Variants in PARD3 observed in about 807,000 individuals in gnomAD.
PARD3 encodes the protein partitioning defective 3 homolog.
Under a neutral mutation model 155.4 loss-of-function variants are expected in PARD3, and 75 were observed. That is an observed-to-expected ratio of 0.48 (90% CI 0.40 to 0.58). The LOEUF is 0.58. Ranked by LOEUF, PARD3 falls within the 20% of genes least tolerant of loss-of-function variation. The pLI is 0.00. For synonymous variants in PARD3, 576 were observed against 610.5 expected (o/e 0.94, Z 0.83); for missense variants, 1,642 against 1,721.7 (o/e 0.95, Z 0.82).
At chr10:34,227,815 T>TG (rs1226219690) in intron 22 of PARD3, among the ~76,000 whole-genome samples, 1 of 139,992 alleles carries the variant, frequency 7.1e-6, no homozygotes, top group Non-Finnish European at 1.5e-5. Context: ...ATCCCATTAC[T>TG]GGGAATATAT....
In PARD3 at chr10:34,617,827, T is replaced by C. The variant is rs555330527; in HGVS notation, c.222+78491A>G. 1.1e-4 allele frequency among the ~76,000 whole-genome samples: 16 copies of C among 152,342 alleles called. No homozygotes were observed. The South Asian group carries it at 3.1e-3, about 30-fold the overall frequency. ...CTTCAAGGAATAAAGGGCTACACTC[T>C]AGGGGCTCAGCCTAGAGAGATCAAA... is the stretch of plus-strand genomic sequence containing the variant. On this transcript the variant is annotated intron_variant, in intron 2 of 24. Coordinates refer to ENST00000374788, the MANE Select transcript of PARD3 (RefSeq NM_001184785.2).
At position 34,658,543 on chromosome 10, in the gene PARD3, G is replaced by A. The variant is rs566914212; in HGVS notation, c.222+37775C>T. Reference sequence around the variant, plus strand: ...GCTGGGGGCTGGGGCTGAGGCTGAGGCTGAGGCATGAGGAGCTTAGCAGAA... The same window carrying A: ...GCTGGGGGCTGGGGCTGAGGCTGAGACTGAGGCATGAGGAGCTTAGCAGAA... On this transcript the variant is annotated intron_variant, in intron 2 of 24. Transcript: ENST00000374788. 4.6e-4 allele frequency among the ~76,000 whole-genome samples: 70 copies of A among 152,300 alleles called. No individual in the cohort carries two copies. The South Asian group carries it at 0.014, about 32-fold the overall frequency.
chr10:34,548,362 G>C (rs2084273672), intron 2 of PARD3, among the ~76,000 whole-genome samples: 1 of 152,034 alleles, frequency 6.6e-6, no homozygotes, highest in Non-Finnish European at 1.5e-5. Context: ...AGCCAGGCAT[G>C]GTGGTACATG....
At chr10:34,636,375 C>T (rs1384239147) in intron 2 of PARD3, among the ~76,000 whole-genome samples, 1 of 152,196 alleles carries the variant, frequency 6.6e-6, no homozygotes, top group East Asian at 1.9e-4. Flanking sequence ...GCTAACACCC[C>T]TTTGCTCGCT....
chr10:34,573,078 G>T (rs1157517516), intron 2 of PARD3, among the ~76,000 whole-genome samples: 1 of 152,160 alleles, frequency 6.6e-6, no homozygotes, highest in Non-Finnish European at 1.5e-5. Context: ...GGATAAGTCA[G>T]GTGATGGCTC....
At chr10:34,301,624 A>G (rs546110520) in intron 20 of PARD3, among the ~76,000 whole-genome samples, 3 of 152,106 alleles carry the variant, frequency 2.0e-5, no homozygotes, top group East Asian at 3.9e-4. Flanking sequence ...CCAAATCTCT[A>G]CAGTGCCAGC....
rs190919662 is a variant in PARD3 at position 34,638,585 on chromosome 10, C to A, written c.222+57733G>T. ...ACCCATTTCCTCTGGGAAGTGCAGG[C>A]GCAGGCTCACTCAGCTGCCAGCAAG... On this transcript the variant is annotated intron_variant, in intron 2 of 24. Transcript: ENST00000374788. Among the ~76,000 whole-genome samples, 7 of 152,312 alleles carry A rather than the reference C, an allele frequency of 4.6e-5. No homozygotes were observed. The East Asian group carries it at 1.2e-3, about 25-fold the overall frequency.
At chr10:34,437,806 T>C (rs963929651) in intron 5 of PARD3, among the ~76,000 whole-genome samples, 4 of 152,236 alleles carry the variant, frequency 2.6e-5, no homozygotes, top group East Asian at 1.9e-4. Flanking sequence ...TGTTCAAATA[T>C]TGTTTTTCCA....
At chr10:34,782,753 G>A (rs1229698531) in intron 1 of PARD3, among the ~76,000 whole-genome samples, 3 of 149,528 alleles carry the variant, frequency 2.0e-5, no homozygotes, top group Admixed American at 1.3e-4. Context: ...TTGAGACTGA[G>A]TCTTGCTCTG....
chr10:34,704,981 C>A (rs537878726), intron 1 of PARD3, among the ~76,000 whole-genome samples: 1 of 152,094 alleles, frequency 6.6e-6, no homozygotes, highest in East Asian at 1.9e-4. Context: ...CAAAAGAGCA[C>A]GATCAGCAGG....
chr10:34,334,659 G>A (rs1835964484), intron 18 of PARD3, among the ~76,000 whole-genome samples: 1 of 149,712 alleles, frequency 6.7e-6, no homozygotes, highest in African/African-American at 2.5e-5. Flanking sequence ...AACAGACCAA[G>A]TATTTTGACA....
At chr10:34,736,232 G>A (rs1362372808) in intron 1 of PARD3, among the ~76,000 whole-genome samples, 2 of 151,616 alleles carry the variant, frequency 1.3e-5, no homozygotes, top group East Asian at 1.9e-4. Context: ...GGGTTTCACC[G>A]TGTTAGCCAG....
chr10:34,266,008 AT>A (rs1264680348), intron 22 of PARD3, among the ~76,000 whole-genome samples: 1 of 152,206 alleles, frequency 6.6e-6, no homozygotes, highest in Non-Finnish European at 1.5e-5. Flanking sequence ...AAGAGTTTAG[AT>A]TTAAGAAACA....
chr10:34,224,650 A>G (rs1952495761), intron 22 of PARD3, among the ~76,000 whole-genome samples: 1 of 152,214 alleles, frequency 6.6e-6, no homozygotes, highest in Non-Finnish European at 1.5e-5. Flanking sequence ...GGGCAGAGGG[A>G]CAAGTGCCCA....
chr10:34,336,500 T>TCAC (rs1836205119), intron 17 of PARD3, among the ~76,000 whole-genome samples: 1 of 152,278 alleles, frequency 6.6e-6, no homozygotes, highest in Middle Eastern at 3.4e-3. Context: ...AGGCAATGCA[T>TCAC]CACCAAATTT....
intron 2 of PARD3, among the ~76,000 whole-genome samples, chr10:34,552,654 C>T (rs1447769447): frequency 6.6e-6 from 1 of 151,308 alleles, no homozygotes; most frequent in Non-Finnish European, 1.5e-5. Flanking sequence ...GCGGAGGTTA[C>T]AGTGAGCTGA....
At chr10:34,302,658 C>T (rs543497453) in intron 20 of PARD3, among the ~76,000 whole-genome samples, 8 of 152,268 alleles carry the variant, frequency 5.3e-5, no homozygotes, top group South Asian at 2.1e-4. Flanking sequence ...TACCTGTACA[C>T]GAGGTTGCAA....
intron 7 of PARD3, among the ~76,000 whole-genome samples, chr10:34,395,217 T>C (rs1301424643): frequency 6.6e-6 from 1 of 152,062 alleles, no homozygotes; most frequent in Admixed American, 6.5e-5. Flanking sequence ...GTATTTTTCA[T>C]AGAGACAGGG....
At chr10:34,610,912 G>A (rs74132069) in intron 2 of PARD3, among the ~76,000 whole-genome samples, 1 of 152,070 alleles carries the variant, frequency 6.6e-6, no homozygotes, top group Non-Finnish European at 1.5e-5. Flanking sequence ...AGGTGGGGGG[G>A]AGTTTGAAAT....
Sources: allele counts gnomAD v4.1 joint callset (sites outside exome capture counted in the v4.1 genomes callset), GRCh38; gene constraint gnomAD v4.1.1; transcripts MANE v1.5; gene names NCBI Gene and HGNC (gene_info 2026-07-23, HGNC 2026-07-21).